Variants in BCO1 observed in about 807,000 individuals in gnomAD.
BCO1 encodes the protein beta-carotene oxygenase 1.
In BCO1, 54 loss-of-function variants were observed where a neutral mutation model predicts 56.3. The observed-to-expected ratio is 0.96, with a 90% CI of 0.77 to 1.20. The LOEUF is 1.20. Among genes scored for constraint, BCO1 ranks in the 50% most tolerant of loss-of-function variants. BCO1 has a pLI of 0.00. For missense variants in BCO1, 801 were observed against 690.9 expected, an observed-to-expected ratio of 1.16 and a Z score of -1.79; for synonymous variants, 318 against 266.1, an observed-to-expected ratio of 1.20 and a Z score of -1.90.
intron 3 of BCO1, among the ~76,000 whole-genome samples, chr16:81,260,570 G>A (rs576758574): frequency 1.6e-4 from 24 of 152,166 alleles, no homozygotes; most frequent in South Asian, 1.2e-3. Flanking sequence ...GTGCAATGGC[G>A]CAATCTCAGT....
At chr16:81,256,843 G>A (rs905237063) in intron 2 of BCO1, among the ~76,000 whole-genome samples, 5 of 151,844 alleles carry the variant, frequency 3.3e-5, no homozygotes, top group African/African-American at 7.3e-5. Context: ...AGCCAAGATC[G>A]TACCACTGGA....
intron 5 of BCO1, among the ~76,000 whole-genome samples, chr16:81,267,026 C>T (rs56401738): frequency 0.14 from 21,785 of 152,102 alleles, 2,654 homozygotes; most frequent in African/African-American, 0.33. Context: ...TTTTGACCAG[C>T]GAGTGACTCA....
At chr16:81,248,177 G>A (rs1005643061) in intron 2 of BCO1, among the ~76,000 whole-genome samples, 1 of 151,658 alleles carries the variant, frequency 6.6e-6, no homozygotes, top group Admixed American at 6.6e-5. Context: ...CGAGGCGGGT[G>A]GATCACCTGA....
At chr16:81,270,061 C>G in intron 6 of BCO1, 98 bp from the exon 7 acceptor site, 1 of 1,492,666 alleles carries the variant, frequency 6.7e-7, no homozygotes, top group Non-Finnish European at 9.3e-7. Flanking sequence ...AGTCCTGAGC[C>G]TAGCTCCTGG....
chr16:81,288,054 GC>G (rs1421399315), intron 10 of BCO1, among the ~76,000 whole-genome samples: 1 of 152,018 alleles, frequency 6.6e-6, no homozygotes, highest in Non-Finnish European at 1.5e-5. Flanking sequence ...GTGGCCCAAG[GC>G]CCCCAGGTAT....
intron 7 of BCO1, among the ~76,000 whole-genome samples, chr16:81,272,113 C>CTTTTTTTTT (rs35402352): frequency 2.7e-5 from 3 of 111,318 alleles, no homozygotes; most frequent in Non-Finnish European, 3.6e-5. Flanking sequence ...TCTTTTCTTT[C>CTTTTTTTTT]TTTTTTTTTT....
intron 2 of BCO1, among the ~76,000 whole-genome samples, chr16:81,247,206 G>C (rs991235768): frequency 5.3e-5 from 8 of 152,178 alleles, no homozygotes; most frequent in Non-Finnish European, 8.8e-5. Context: ...TTTAATTCCT[G>C]TGTTCTAATG....
intron 10 of BCO1, 109 bp downstream of exon 10, chr16:81,287,515 AT>A: frequency 1.2e-6 from 1 of 839,838 alleles, no homozygotes. Context: ...AAGGGGGTGG[AT>A]TGGTGCTTTG....
At chr16:81,285,863 T>C (rs1388063920) in intron 9 of BCO1, among the ~76,000 whole-genome samples, 1 of 152,080 alleles carries the variant, frequency 6.6e-6, no homozygotes, top group African/African-American at 2.4e-5. Context: ...GATTTCTTTA[T>C]TCAATACATA....
intron 7 of BCO1, among the ~76,000 whole-genome samples, chr16:81,276,322 G>T (rs1907553717): frequency 6.6e-6 from 1 of 152,202 alleles, no homozygotes; most frequent in African/African-American, 2.4e-5. Context: ...AAGGCATTCT[G>T]ACTACCCAGA....
Position 81,245,648 on chromosome 16 carries a change from C to G in BCO1, c.193+45C>G, listed in dbSNP as rs375307721. ...TGCTGCCACTGCTGCAGCAAAGGAC[C>G]CCAAATGCAGTGCCTTAAAACAGCA... On this transcript the variant is annotated intron_variant, in intron 2 of 10. Coordinates refer to ENST00000258168, the MANE Select transcript of BCO1 (RefSeq NM_017429.3). 24 of 1,612,906 alleles carry G rather than the reference C, an allele frequency of 1.5e-5. 1 individual carries two copies. Among genetic ancestry groups the G allele is most frequent in the Middle Eastern group, 3.3e-4 (2 of 6,026 alleles).
At chr16:81,272,447 G>A (rs901948940) in intron 7 of BCO1, among the ~76,000 whole-genome samples, 12 of 152,260 alleles carry the variant, frequency 7.9e-5, no homozygotes, top group South Asian at 4.1e-4. Flanking sequence ...TTTATGTATC[G>A]AAACATCTCT....
chr16:81,241,956 G>A lies in BCO1; in HGVS notation c.64+2984G>A, dbSNP rs148083856. On this transcript the variant is annotated intron_variant, in intron 1 of 10. Transcript: ENST00000258168. ...CAGTGTTCTTTTCTGTTTGATGAAT[G>A]TAGCCTGGCACCTCCCACATAGGGT... Among the ~76,000 whole-genome samples, 4 of 152,212 alleles carry A rather than the reference G, an allele frequency of 2.6e-5. No homozygotes were observed. The East Asian group carries it at 7.7e-4, about 29-fold the overall frequency.
In BCO1 at chr16:81,257,411, T is replaced by C. The variant is rs528247036; in HGVS notation, c.194-2265T>C. Among the ~76,000 whole-genome samples the C allele has an allele frequency of 6.6e-5, 10 of 151,896 alleles. No homozygotes were observed. In the South Asian group the frequency reaches 1.0e-3, roughly 16 times the overall value. On this transcript the variant is annotated intron_variant, in intron 2 of 10. Transcript: ENST00000258168. ...TCCTGAGTAGCTGGGATTACAAGGGTGTGCCACCACACCCAGCTAATTTTT... is the reference window on the plus strand; with the variant it reads ...TCCTGAGTAGCTGGGATTACAAGGGCGTGCCACCACACCCAGCTAATTTTT...
intron 2 of BCO1, among the ~76,000 whole-genome samples, chr16:81,257,005 A>G (rs1306371827): frequency 6.6e-6 from 1 of 152,144 alleles, no homozygotes; most frequent in Non-Finnish European, 1.5e-5. Context: ...GCCCAGCCGA[A>G]CTCAACGCCT....
chr16:81,244,760 T>G (rs1345915982), intron 1 of BCO1, among the ~76,000 whole-genome samples: 1 of 149,494 alleles, frequency 6.7e-6, no homozygotes, highest in Admixed American at 6.7e-5. Context: ...AAGGTCTTGC[T>G]CTGTTGCCCA....
At chr16:81,278,664 G>A (rs1202236452) in intron 7 of BCO1, among the ~76,000 whole-genome samples, 2 of 152,162 alleles carry the variant, frequency 1.3e-5, no homozygotes, top group East Asian at 3.9e-4. Flanking sequence ...TGTTAGGGAA[G>A]GGGTGTTTCT....
chr16:81,276,604 C>G (rs879911299), intron 7 of BCO1, among the ~76,000 whole-genome samples: 8 of 152,150 alleles, frequency 5.3e-5, no homozygotes, highest in Non-Finnish European at 8.8e-5. Flanking sequence ...TCTAAGGAGT[C>G]CTGGGGTTCT....
intron 5 of BCO1, among the ~76,000 whole-genome samples, chr16:81,267,277 G>T (rs1288397366): frequency 6.6e-6 from 1 of 152,076 alleles, no homozygotes; most frequent in East Asian, 1.9e-4. Context: ...TCTATAAAAT[G>T]GCCATTCTAC....
Sources: allele counts gnomAD v4.1 joint callset (sites outside exome capture counted in the v4.1 genomes callset), GRCh38; gene constraint gnomAD v4.1.1; transcripts MANE v1.5; gene names NCBI Gene and HGNC (gene_info 2026-07-23, HGNC 2026-07-21).